Variants in NCF2 observed in about 807,000 individuals in gnomAD.
NCF2 encodes neutrophil cytosolic factor 2, also known as neutrophil cytosol factor 2.
NCF2 carries 45 observed loss-of-function variants against 70.9 expected under a neutral mutation model. The observed-to-expected ratio is 0.63, with a 90% CI of 0.50 to 0.81. The LOEUF is 0.81. NCF2 is among the 40% of genes least tolerant of loss of function. The probability of loss-of-function intolerance (pLI) is 0.00; values close to 1 mark genes in which losing one functional copy is unlikely to be tolerated. For missense variants in NCF2, 522 were observed against 631.6 expected, an observed-to-expected ratio of 0.83 and a Z score of 1.86; for synonymous variants, 203 against 233.6, an observed-to-expected ratio of 0.87 and a Z score of 1.19.
chr1:183,581,340 A>C (rs35734725), intron 2 of NCF2, among the ~76,000 whole-genome samples: 43,243 of 148,640 alleles, frequency 0.29, 6,567 homozygotes, highest in East Asian at 0.52. Context: ...AACCAAAAAA[A>C]CAGGGTGGGG....
At chr1:183,594,050 GAA>G (rs1395605327), upstream of NCF2, among the ~76,000 whole-genome samples, 1 of 152,220 alleles carries the variant, frequency 6.6e-6, no homozygotes, top group Non-Finnish European at 1.5e-5. Flanking sequence ...TTGTCTGAAA[GAA>G]AAGAGAATGG....
At chr1:183,586,825 GC>G in intron 2 of NCF2, 69 bp downstream of exon 2, 1 of 1,421,720 alleles carries the variant, frequency 7.0e-7, no homozygotes. Flanking sequence ...CAAACACCAA[GC>G]CCGCAACACT....
At chr1:183,601,789 C>T in the NCF2 span, among the ~76,000 whole-genome samples, 2 of 148,576 alleles carry the variant, frequency 1.3e-5, no homozygotes, top group East Asian at 2.0e-4. Flanking sequence ...ACCCAGGAGG[C>T]GGAGCTTGCA....
intron 6 of NCF2, among the ~76,000 whole-genome samples, chr1:183,569,634 G>C (rs1672460379): frequency 6.6e-6 from 1 of 152,170 alleles, no homozygotes; most frequent in Non-Finnish European, 1.5e-5. Flanking sequence ...TGTCGCCCAG[G>C]CTGGAGTGCA....
Position 183,586,874 on chromosome 1 carries a change from G to T in NCF2, c.257+21C>A, listed in dbSNP as rs773916860. On this transcript the variant is annotated intron_variant, in intron 2 of 14. Transcript: ENST00000367535. ...GTTTCTCTCTGAAATCCTCCAGTTG[G>T]TGCAACATTGAACCACTTACTTCTC... The T allele has an allele frequency of 3.1e-6, 5 of 1,608,444 alleles. No homozygotes were observed. The South Asian group carries it at 4.4e-5, about 14-fold the overall frequency.
At chr1:183,592,079 T>A (rs925283860), upstream of NCF2, among the ~76,000 whole-genome samples, 8 of 152,340 alleles carry the variant, frequency 5.3e-5, no homozygotes, top group African/African-American at 1.7e-4. Flanking sequence ...AGGCTTCTTT[T>A]TAGGTAAAAT....
chr1:183,593,382 A>C (rs3754517), upstream of NCF2, among the ~76,000 whole-genome samples: 68,441 of 151,804 alleles, frequency 0.45, 15,853 homozygotes, highest in African/African-American at 0.53. Context: ...CCTGTTTTTA[A>C]ACCTTCCATG....
chr1:183,579,943 G>A (rs1374604626), intron 2 of NCF2, among the ~76,000 whole-genome samples: 2 of 151,910 alleles, frequency 1.3e-5, no homozygotes, highest in East Asian at 1.9e-4. Flanking sequence ...CACTTATTAC[G>A]TGTTTACTTA....
the NCF2 span, among the ~76,000 whole-genome samples, chr1:183,597,136 G>A: frequency 6.6e-6 from 1 of 152,180 alleles, no homozygotes; most frequent in Admixed American, 6.5e-5. Context: ...GCATATCTTA[G>A]GAACTTTCCC....
At chr1:183,572,133 C>G (rs968192719) in intron 5 of NCF2, among the ~76,000 whole-genome samples, 2 of 152,170 alleles carry the variant, frequency 1.3e-5, no homozygotes, top group Non-Finnish European at 2.9e-5. Flanking sequence ...TGGAAGGGCA[C>G]TGCTGACTCA....
intron 3 of NCF2, among the ~76,000 whole-genome samples, chr1:183,576,899 T>C (rs1315287441): frequency 1.3e-5 from 2 of 152,144 alleles, no homozygotes; most frequent in African/African-American, 4.8e-5. Flanking sequence ...TGCTAGTATA[T>C]ATTTGGAAGT....
intron 2 of NCF2, among the ~76,000 whole-genome samples, chr1:183,582,192 G>A (rs1365217989): frequency 1.3e-5 from 2 of 152,240 alleles, no homozygotes; most frequent in Admixed American, 6.5e-5. Flanking sequence ...CCAGTGGGCC[G>A]TGCTGCGGCA....
At chr1:183,599,219 C>G in the NCF2 span, among the ~76,000 whole-genome samples, 1 of 151,948 alleles carries the variant, frequency 6.6e-6, no homozygotes, top group Non-Finnish European at 1.5e-5. Context: ...CCCATCTCTA[C>G]TAGAAAAAAA....
At chr1:183,556,299 C>T in intron 14 of NCF2, 69 bp from the exon 15 acceptor site, 1 of 1,395,434 alleles carries the variant, frequency 7.2e-7, no homozygotes, top group South Asian at 1.2e-5. Context: ...CTGGCTATTC[C>T]ACACAGAATT....
At chr1:183,579,798 T>C (rs1386325115) in intron 2 of NCF2, among the ~76,000 whole-genome samples, 2 of 149,894 alleles carry the variant, frequency 1.3e-5, no homozygotes, top group Non-Finnish European at 3.0e-5. Flanking sequence ...CACAGGTTCA[T>C]TGTGAGAACT....
At chr1:183,560,366 C>T in intron 13 of NCF2, 93 bp from the exon 14 acceptor site, 1 of 1,388,750 alleles carries the variant, frequency 7.2e-7, no homozygotes. Context: ...CAAAGTAGAA[C>T]CTGGGATATA....
chr1:183,590,390 A>G lies in NCF2; in HGVS notation c.-61T>C, dbSNP rs549033920. ...AGGAGACAGAGAGAAGACAGGTTGG[A>G]GCGTCTCCCCTAGCAGGGCTGCCTT... On this transcript the variant is annotated 5_prime_UTR_variant, in exon 1 of 15. Coordinates refer to ENST00000367535, the MANE Select transcript of NCF2 (RefSeq NM_000433.4). 1 of 1,600,216 alleles carries G rather than the reference A, an allele frequency of 6.2e-7. No individual in the cohort carries two copies. The highest frequency in any genetic ancestry group is 1.3e-5 in the African/African-American group (1 of 74,756).
chr1:183,578,538 A>G (rs1311017853), intron 2 of NCF2, among the ~76,000 whole-genome samples: 1 of 151,796 alleles, frequency 6.6e-6, no homozygotes, highest in Non-Finnish European at 1.5e-5. Flanking sequence ...CTAATTTTTT[A>G]TATTTTAAGT....
chr1:183,582,696 G>A (rs964842893), intron 2 of NCF2, among the ~76,000 whole-genome samples: 5 of 152,200 alleles, frequency 3.3e-5, no homozygotes, highest in Admixed American at 1.3e-4. Flanking sequence ...TTCCAAGTCA[G>A]CAGGAAGAAG....
Sources: gnomAD v4.1 joint callset for allele counts (sites outside exome capture counted in the v4.1 genomes callset) on GRCh38, gnomAD v4.1.1 for gene constraint, MANE v1.5 for transcripts, NCBI Gene and HGNC (gene_info 2026-07-23, HGNC 2026-07-21) for gene names.